The following COL21A1 variants were observed in gnomAD, a reference collection of about 807,000 sequenced individuals.
The protein encoded by COL21A1 is collagen alpha-1(XXI) chain.
COL21A1 carries 149 observed loss-of-function variants against 137.9 expected under a neutral mutation model. The ratio of observed to expected loss-of-function variants is 1.08; its 90% CI spans 0.95 to 1.24. The LOEUF is 1.24. Ranked by LOEUF, COL21A1 falls within the 50% of genes most tolerant of loss-of-function variation. The pLI, the probability that COL21A1 is intolerant of heterozygous loss-of-function variation, is 0.00. For missense variants in COL21A1, 1,167 were observed against 1,158.4 expected, an observed-to-expected ratio of 1.01 and a Z score of -0.11; for synonymous variants, 456 against 391.5, an observed-to-expected ratio of 1.16 and a Z score of -1.95.
At chr6:56,114,072 G>A (rs1328842487) in intron 16 of COL21A1, among the ~76,000 whole-genome samples, 2 of 152,216 alleles carry the variant, frequency 1.3e-5, no homozygotes, top group Non-Finnish European at 2.9e-5. Flanking sequence ...AGACATCTAA[G>A]GCTTTTGACT....
intron 1 of COL21A1, among the ~76,000 whole-genome samples, chr6:56,363,600 G>T (rs1200730830): frequency 6.6e-6 from 1 of 152,218 alleles, no homozygotes; most frequent in Non-Finnish European, 1.5e-5. Context: ...GATAAGTGAA[G>T]TTCCTAGGAG....
rs1260889640 is a variant in COL21A1, at chr6:56,180,077, A to T, written c.141T>A (p.Ser47Arg). ...CTATTTCAAAGTTTTCTGGGCCAACACTATAAGAGCCATCTAAGATGAAAA... is the reference window on the plus strand; with the variant it reads ...CTATTTCAAAGTTTTCTGGGCCAACTCTATAAGAGCCATCTAAGATGAAAA... ...DLVFILDGSY[S>R]VGPENFEIVK... Residue 47 changes from serine to arginine, a missense_variant, in exon 3 of 30, where the codon AGT becomes AGA. Coordinates refer to ENST00000244728, the MANE Select transcript of COL21A1 (RefSeq NM_030820.4). 6.2e-7 allele frequency: 1 copy of T among 1,613,756 alleles called. No individual in the cohort carries two copies. Among genetic ancestry groups the T allele is most frequent in the South Asian group, 1.1e-5 (1 of 91,066 alleles).
intron 1 of COL21A1, among the ~76,000 whole-genome samples, chr6:56,241,138 C>A (rs1782292524): frequency 1.3e-5 from 2 of 152,122 alleles, no homozygotes; most frequent in Non-Finnish European, 2.9e-5. Flanking sequence ...TGTGTACAAG[C>A]CTTAACTCCC....
chr6:56,109,872 T>A (rs943430456), intron 16 of COL21A1, among the ~76,000 whole-genome samples: 5 of 152,010 alleles, frequency 3.3e-5, no homozygotes, highest in Non-Finnish European at 5.9e-5. Flanking sequence ...AAATGTTCCT[T>A]AGACACACAA....
In COL21A1 at chr6:56,313,497, G is replaced by A. The variant is rs142858763; in HGVS notation, c.-39+80474C>T. Among the ~76,000 whole-genome samples the A allele has an allele frequency of 1.1e-3, 172 of 152,226 alleles. 1 individual carries two copies. Among genetic ancestry groups the A allele is most frequent in the Non-Finnish European group, 2.0e-3 (134 of 68,014 alleles). ...GGTTCTGGTAAGAGCCCTTCTTCTG[G>A]ATCACAGACAGTTCTTTCTCACTGC... is the stretch of plus-strand genomic sequence containing the variant. On this transcript the variant is annotated intron_variant, in intron 1 of 28. Transcript: ENST00000370819.
chr6:56,087,621 T>C (rs1237399158), intron 17 of COL21A1, among the ~76,000 whole-genome samples: 1 of 151,890 alleles, frequency 6.6e-6, no homozygotes, highest in Admixed American at 6.6e-5. Flanking sequence ...CAGCTGGTGT[T>C]TATAGTTTCC....
At chr6:56,133,326 T>A (rs1489424867) in intron 12 of COL21A1, among the ~76,000 whole-genome samples, 3 of 152,138 alleles carry the variant, frequency 2.0e-5, no homozygotes, top group African/African-American at 7.2e-5. Flanking sequence ...CTGGTGGCAT[T>A]TTTCCCCTGC....
Position 56,236,528 on chromosome 6 carries a change from T to C in COL21A1, c.-39+10859A>G, listed in dbSNP as rs536385820. Among the ~76,000 whole-genome samples, 31 of 152,084 alleles carry C rather than the reference T, an allele frequency of 2.0e-4. No homozygotes were observed. In the South Asian group the frequency reaches 3.9e-3, roughly 19 times the overall value. On this transcript the variant is annotated intron_variant, in intron 1 of 29. Transcript: ENST00000244728. The stretch of plus-strand genomic sequence containing the variant: ...GCCCTATGACTTGTGTTAACTAGAG[T>C]GTGTCTAAACAGAAACATTTGTTCA...
chr6:56,244,109 A>G (rs1782508337), intron 1 of COL21A1, among the ~76,000 whole-genome samples: 1 of 152,212 alleles, frequency 6.6e-6, no homozygotes, highest in African/African-American at 2.4e-5. Flanking sequence ...CTGAAAATGA[A>G]CCTAAATGAA....
At chr6:56,262,773 TCTAA>T (rs1763308267) in intron 1 of COL21A1, among the ~76,000 whole-genome samples, 2 of 152,128 alleles carry the variant, frequency 1.3e-5, no homozygotes, top group Non-Finnish European at 2.9e-5. Context: ...CCAACCTCCC[TCTAA>T]CTATACCAGA....
chr6:56,171,842 A>G (rs1021788755), intron 3 of COL21A1, among the ~76,000 whole-genome samples: 2 of 151,976 alleles, frequency 1.3e-5, no homozygotes, highest in Admixed American at 6.6e-5. Context: ...GGTAATAAGT[A>G]TGATATACTT....
chr6:56,210,913 T>C (rs1350214229), intron 1 of COL21A1, among the ~76,000 whole-genome samples: 8 of 151,902 alleles, frequency 5.3e-5, no homozygotes, highest in African/African-American at 1.9e-4. Flanking sequence ...ATTTAAACCA[T>C]TGAATGTAAA....
intron 1 of COL21A1, among the ~76,000 whole-genome samples, chr6:56,296,357 T>C (rs1240000705): frequency 6.6e-6 from 1 of 152,016 alleles, no homozygotes; most frequent in Non-Finnish European, 1.5e-5. Context: ...GAAAACTATA[T>C]TTAAGCAAAA....
At chr6:56,275,217 G>A (rs1208775333) in intron 1 of COL21A1, among the ~76,000 whole-genome samples, 2 of 152,116 alleles carry the variant, frequency 1.3e-5, no homozygotes, top group Non-Finnish European at 2.9e-5. Flanking sequence ...ATTAACCCAA[G>A]ATAGATTAAA....
At chr6:56,124,930 C>A (rs1772904166) in intron 14 of COL21A1, among the ~76,000 whole-genome samples, 1 of 151,758 alleles carries the variant, frequency 6.6e-6, no homozygotes, top group Non-Finnish European at 1.5e-5. Flanking sequence ...CAGGCATGAG[C>A]CACCGCGCCC....
intron 1 of COL21A1, among the ~76,000 whole-genome samples, chr6:56,243,891 G>A (rs778366502): frequency 6.6e-5 from 10 of 152,108 alleles, no homozygotes; most frequent in African/African-American, 1.2e-4. Flanking sequence ...ACTGGACCAC[G>A]TACCAGAAAT....
intron 10 of COL21A1, among the ~76,000 whole-genome samples, chr6:56,150,497 G>C (rs527595010): frequency 1.3e-5 from 2 of 148,480 alleles, no homozygotes; most frequent in African/African-American, 5.1e-5. Flanking sequence ...CAGCCTGGGC[G>C]ACAGAGCGAG....
intron 16 of COL21A1, among the ~76,000 whole-genome samples, chr6:56,115,968 A>G (rs1410896404): frequency 6.6e-6 from 1 of 152,052 alleles, no homozygotes; most frequent in Non-Finnish European, 1.5e-5. Context: ...GACTTTGGAA[A>G]TAAACAGTCA....
At chr6:56,059,357 G>C in intron 28 of COL21A1, 115 bp from the exon 29 acceptor site, 1 of 629,870 alleles carries the variant, frequency 1.6e-6, no homozygotes, top group Non-Finnish European at 2.6e-6. Flanking sequence ...AAACCAGCTT[G>C]CCATCTATTT....
Sources: gnomAD v4.1 joint callset for allele counts (sites outside exome capture counted in the v4.1 genomes callset) on GRCh38, gnomAD v4.1.1 for gene constraint, MANE v1.5 for transcripts, NCBI Gene and HGNC (gene_info 2026-07-23, HGNC 2026-07-21) for gene names.